GPC6: variants seen among roughly 807,000 people sequenced by gnomAD.
GPC6 encodes glypican-6.
In GPC6, 14 loss-of-function variants were observed where a neutral mutation model predicts 55.2. The observed-to-expected ratio is 0.25, with a 90% CI of 0.17 to 0.40. GPC6 has a LOEUF of 0.40. Ranked by LOEUF, GPC6 falls within the 10% of genes least tolerant of loss-of-function variation. The pLI is 1.00. For synonymous variants in GPC6, 278 were observed against 259.6 expected, an observed-to-expected ratio of 1.07 and a Z score of -0.68; for missense variants, 641 against 708.5, an observed-to-expected ratio of 0.90 and a Z score of 1.08.
chr13:93,457,248 C>T (rs1878489917), intron 1 of GPC6, among the ~76,000 whole-genome samples: 1 of 152,176 alleles, frequency 6.6e-6, no homozygotes, highest in South Asian at 2.1e-4. Flanking sequence ...GTCCAACTTT[C>T]CCCTTTTTAT....
At chr13:93,607,877 C>G (rs1021457215) in intron 2 of GPC6, among the ~76,000 whole-genome samples, 1 of 152,080 alleles carries the variant, frequency 6.6e-6, no homozygotes, top group Non-Finnish European at 1.5e-5. Context: ...CCTGCAACTT[C>G]TGGGGATAGT....
At chr13:93,353,074 A>G (rs1037810802) in intron 1 of GPC6, among the ~76,000 whole-genome samples, 3 of 152,168 alleles carry the variant, frequency 2.0e-5, no homozygotes, top group Non-Finnish European at 2.9e-5. Flanking sequence ...ACTTCTTTAC[A>G]TTATGATTTG....
chr13:94,273,324 G>A (rs879834123), intron 4 of GPC6, among the ~76,000 whole-genome samples: 12 of 152,102 alleles, frequency 7.9e-5, no homozygotes, highest in Non-Finnish European at 1.6e-4. Context: ...AGCTGTTAAG[G>A]ATTCAAAGTA....
At chr13:93,773,848 G>A (rs1164727414) in intron 2 of GPC6, among the ~76,000 whole-genome samples, 1 of 152,204 alleles carries the variant, frequency 6.6e-6, no homozygotes, top group Non-Finnish European at 1.5e-5. Flanking sequence ...GGAATGGGAT[G>A]AAAGTACAAC....
At chr13:93,618,501 T>C (rs1349402751) in intron 2 of GPC6, among the ~76,000 whole-genome samples, 1 of 151,916 alleles carries the variant, frequency 6.6e-6, no homozygotes, top group Non-Finnish European at 1.5e-5. Context: ...AAATGTGCAA[T>C]TAGGGAGGCA....
chr13:93,954,682 C>T (rs1399493723), intron 3 of GPC6, among the ~76,000 whole-genome samples: 1 of 152,170 alleles, frequency 6.6e-6, no homozygotes, highest in Non-Finnish European at 1.5e-5. Context: ...CACTTGCATG[C>T]CTGTCACAGA....
intron 6 of GPC6, among the ~76,000 whole-genome samples, chr13:94,322,738 T>C (rs9524434): frequency 0.017 from 2,599 of 152,234 alleles, 38 homozygotes; most frequent in East Asian, 0.066. Context: ...ATTGGCCATA[T>C]TTGTGGCAGC....
At chr13:94,375,192 G>A (rs1432328299) in intron 6 of GPC6, among the ~76,000 whole-genome samples, 3 of 151,316 alleles carry the variant, frequency 2.0e-5, no homozygotes, top group East Asian at 1.9e-4. Flanking sequence ...GCTAGCAGAA[G>A]GCAAGAAATA....
chr13:93,543,054 A>G (rs1882388764), intron 1 of GPC6, among the ~76,000 whole-genome samples: 1 of 152,084 alleles, frequency 6.6e-6, no homozygotes, highest in Admixed American at 6.6e-5. Flanking sequence ...AGAACTTCCG[A>G]CACTATGTTG....
At chr13:93,606,652 A>G (rs1878249237) in intron 2 of GPC6, among the ~76,000 whole-genome samples, 1 of 152,162 alleles carries the variant, frequency 6.6e-6, no homozygotes, top group Admixed American at 6.6e-5. Context: ...GAAATATTCA[A>G]TTTAATACAA....
intron 2 of GPC6, among the ~76,000 whole-genome samples, chr13:93,599,919 A>G: frequency 6.6e-6 from 1 of 152,112 alleles, no homozygotes; most frequent in East Asian, 1.9e-4. Flanking sequence ...CAATTCATCT[A>G]CCTAGTAGCT....
At chr13:93,305,184 CTA>C (rs1158831016) in intron 1 of GPC6, among the ~76,000 whole-genome samples, 1 of 152,170 alleles carries the variant, frequency 6.6e-6, no homozygotes, top group Non-Finnish European at 1.5e-5. Flanking sequence ...AGAGTCCTCT[CTA>C]TCTGGCCTCA....
intron 3 of GPC6, among the ~76,000 whole-genome samples, chr13:93,911,210 A>G (rs770231670): frequency 4.6e-5 from 7 of 152,230 alleles, no homozygotes; most frequent in Non-Finnish European, 7.3e-5. Flanking sequence ...AAGAGATCTG[A>G]TGGAATTTCT....
chr13:93,508,776 A>G (rs747592311), intron 1 of GPC6, among the ~76,000 whole-genome samples: 1 of 152,178 alleles, frequency 6.6e-6, no homozygotes, highest in Non-Finnish European at 1.5e-5. Flanking sequence ...GATCTTTTCT[A>G]GGGAAAGGGT....
At chr13:93,825,860 CTTTTT>C (rs1029574657) in intron 2 of GPC6, among the ~76,000 whole-genome samples, 8 of 124,182 alleles carry the variant, frequency 6.4e-5, no homozygotes, top group African/African-American at 2.4e-4. Context: ...TTATTATTTT[CTTTTT>C]TTTTTTTTTT....
chr13:93,712,338 A>C (rs1280849041), intron 2 of GPC6, among the ~76,000 whole-genome samples: 1 of 151,764 alleles, frequency 6.6e-6, no homozygotes, highest in Non-Finnish European at 1.5e-5. Flanking sequence ...CAATCATATG[A>C]AATATAAAAC....
chr13:94,274,637 A>T (rs1270281927), intron 4 of GPC6, among the ~76,000 whole-genome samples: 1 of 152,220 alleles, frequency 6.6e-6, no homozygotes, highest in East Asian at 1.9e-4. Context: ...AATTACAAGG[A>T]AGAAACAAAA....
chr13:93,676,170 CA>C (rs1881619815), intron 2 of GPC6, among the ~76,000 whole-genome samples: 1 of 95,678 alleles, frequency 1.0e-5, no homozygotes, highest in Admixed American at 1.1e-4. Flanking sequence ...TATATATATA[CA>C]TACACACACA....
chr13:93,804,135 T>C (rs968602345), intron 2 of GPC6, among the ~76,000 whole-genome samples: 2 of 152,152 alleles, frequency 1.3e-5, no homozygotes, highest in African/African-American at 4.8e-5. Context: ...ATAAATTGAT[T>C]GATAGATAGA....
Sources: allele counts gnomAD v4.1 joint callset (sites outside exome capture counted in the v4.1 genomes callset), GRCh38; gene constraint gnomAD v4.1.1; transcripts MANE v1.5; gene names NCBI Gene and HGNC (gene_info 2026-07-23, HGNC 2026-07-21).